The following PTPRT variants were observed in gnomAD, a reference collection of about 807,000 sequenced individuals.
PTPRT encodes the protein receptor-type tyrosine-protein phosphatase T.
Under a neutral mutation model 176.8 loss-of-function variants are expected in PTPRT, and 56 were observed. The observed-to-expected ratio is 0.32, with a 90% CI of 0.26 to 0.40. The LOEUF (loss-of-function observed/expected upper bound fraction) is 0.40. PTPRT is among the 10% of genes least tolerant of loss of function. PTPRT has a pLI of 1.00. For missense variants in PTPRT, 1,540 were observed against 1,908.2 expected (o/e 0.81, Z 3.60); for synonymous variants, 783 against 739.0 (o/e 1.06, Z -0.96).
chr20:42,457,735 G>T (rs752237810), intron 8 of PTPRT, among the ~76,000 whole-genome samples: 1 of 152,186 alleles, frequency 6.6e-6, no homozygotes, highest in Non-Finnish European at 1.5e-5. Context: ...GCAGCAGGAA[G>T]ATTCTCCGTG....
At chr20:42,304,746 A>G (rs146457777) in intron 12 of PTPRT, among the ~76,000 whole-genome samples, 3 of 152,226 alleles carry the variant, frequency 2.0e-5, no homozygotes, top group African/African-American at 7.2e-5. Flanking sequence ...CTCAGATTTC[A>G]TAGGATTGAT....
rs1465354726 is a variant in PTPRT, at chr20:42,316,012, G to A, written c.1866-16C>T. 6.2e-7 allele frequency: 1 copy of A among 1,612,282 alleles called. No individual in the cohort carries two copies. Among genetic ancestry groups the A allele is most frequent in the Non-Finnish European group, 8.5e-7 (1 of 1,178,814 alleles). ...CTGATAAACACTGGACAGGAAAGAGGAGACACAGATGGTTGAGCAACTTTC... is the reference window on the plus strand; with the variant it reads ...CTGATAAACACTGGACAGGAAAGAGAAGACACAGATGGTTGAGCAACTTTC... On this transcript the variant is annotated splice_polypyrimidine_tract_variant and intron_variant, in intron 11 of 30. Transcript: ENST00000373187.
At chr20:42,273,023 C>T (rs2056965799) in intron 13 of PTPRT, among the ~76,000 whole-genome samples, 1 of 152,160 alleles carries the variant, frequency 6.6e-6, no homozygotes, top group Non-Finnish European at 1.5e-5. Context: ...TGATTTATGT[C>T]TCCCTTCTTG....
chr20:42,617,313 T>G (rs1261251683), intron 7 of PTPRT, among the ~76,000 whole-genome samples: 115 of 134,010 alleles, frequency 8.6e-4, no homozygotes, highest in African/African-American at 1.7e-3. Context: ...TGGATAAGCT[T>G]TTTGATGTGC....
chr20:42,426,768 G>T (rs1393214824), intron 9 of PTPRT, among the ~76,000 whole-genome samples: 1 of 152,174 alleles, frequency 6.6e-6, no homozygotes, highest in African/African-American at 2.4e-5. Flanking sequence ...TGGCTGAACG[G>T]ATGAGTCACA....
intron 6 of PTPRT, among the ~76,000 whole-genome samples, chr20:42,752,203 C>T (rs1236777608): frequency 6.6e-6 from 1 of 152,172 alleles, no homozygotes; most frequent in East Asian, 1.9e-4. Flanking sequence ...CTTCATCTCT[C>T]TTACTTCTTT....
intron 1 of PTPRT, among the ~76,000 whole-genome samples, chr20:42,979,100 G>A (rs1436241988): frequency 2.0e-5 from 3 of 151,976 alleles, no homozygotes; most frequent in Non-Finnish European, 2.9e-5. Flanking sequence ...AACGTAAATC[G>A]AGAAAAAATG....
chr20:42,986,720 T>C (rs913199233), intron 1 of PTPRT, among the ~76,000 whole-genome samples: 2 of 152,192 alleles, frequency 1.3e-5, no homozygotes, highest in Non-Finnish European at 2.9e-5. Context: ...TTGAGGCTCA[T>C]GAAACTCCTA....
chr20:42,794,668 T>C (rs1414524613), intron 2 of PTPRT, among the ~76,000 whole-genome samples: 1 of 152,172 alleles, frequency 6.6e-6, no homozygotes, highest in African/African-American at 2.4e-5. Context: ...GGGAATAAAC[T>C]ATTATTCAGC....
At chr20:42,762,204 T>C (rs2076924939) in intron 5 of PTPRT, among the ~76,000 whole-genome samples, 1 of 152,208 alleles carries the variant, frequency 6.6e-6, no homozygotes, top group Admixed American at 6.5e-5. Context: ...ATACCTGGTA[T>C]ACTATTAGGT....
At chr20:42,646,665 T>C (rs544689075) in intron 7 of PTPRT, among the ~76,000 whole-genome samples, 10 of 152,204 alleles carry the variant, frequency 6.6e-5, no homozygotes, top group Middle Eastern at 3.4e-3. Context: ...TCAGCCCAGA[T>C]ACAGAACACT....
chr20:42,596,922 T>A (rs1053881984), intron 7 of PTPRT, among the ~76,000 whole-genome samples: 2 of 152,230 alleles, frequency 1.3e-5, no homozygotes, highest in African/African-American at 4.8e-5. Flanking sequence ...TCCTACATTG[T>A]GTTTGTTTTC....
chr20:42,335,885 C>T (rs529120910), intron 11 of PTPRT, among the ~76,000 whole-genome samples: 71 of 152,108 alleles, frequency 4.7e-4, no homozygotes, highest in Non-Finnish European at 8.4e-4. Flanking sequence ...CATAGTAGTA[C>T]ACTCCAGACT....
At chr20:42,377,647 A>G (rs1369463841) in intron 9 of PTPRT, among the ~76,000 whole-genome samples, 1 of 152,174 alleles carries the variant, frequency 6.6e-6, no homozygotes, top group East Asian at 1.9e-4. Context: ...CACTGACCTC[A>G]ACCTAAAACC....
At chr20:42,987,828 G>T (rs1041975018) in intron 1 of PTPRT, among the ~76,000 whole-genome samples, 1 of 152,078 alleles carries the variant, frequency 6.6e-6, no homozygotes, top group African/African-American at 2.4e-5. Flanking sequence ...CTTATGAAAC[G>T]TGTAACATCT....
chr20:42,890,725 T>C lies in PTPRT; in HGVS notation c.89-4793A>G, dbSNP rs181648386. On this transcript the variant is annotated intron_variant, in intron 1 of 30. Transcript: ENST00000373187. ...CCATAACCAAAACAGGCCCCAGACG[T>C]TGCTGCAGGTGTTTATGGCAGCTTA... Among the ~76,000 whole-genome samples the C allele has an allele frequency of 3.3e-5, 5 of 152,260 alleles. No homozygotes were observed. In the East Asian group the frequency reaches 9.7e-4, roughly 29 times the overall value.
chr20:42,140,120 T>G (rs1988554346), intron 18 of PTPRT, among the ~76,000 whole-genome samples: 2 of 152,370 alleles, frequency 1.3e-5, no homozygotes, highest in Middle Eastern at 6.8e-3. Flanking sequence ...TGTATCTTAC[T>G]CTTTCTTCCT....
chr20:42,536,185 C>T (rs966135563), intron 7 of PTPRT, among the ~76,000 whole-genome samples: 2 of 152,136 alleles, frequency 1.3e-5, no homozygotes, highest in South Asian at 2.1e-4. Context: ...TAAGCAACAG[C>T]TTCCCATGTG....
In PTPRT at chr20:42,695,662, G is replaced by A. The variant is rs566962630; in HGVS notation, c.860-17503C>T. On this transcript the variant is annotated intron_variant, in intron 6 of 30. Coordinates refer to ENST00000373187, the MANE Select transcript of PTPRT (RefSeq NM_007050.6). ...GTATCCAACACAGCACTGTCCTTCA[G>A]AGTCTCTTCATTGAACTTAACAAGG... Among the ~76,000 whole-genome samples the A allele has an allele frequency of 2.6e-5, 4 of 152,294 alleles. No individual in the cohort carries two copies. The South Asian group carries it at 8.3e-4, about 32-fold the overall frequency.
Sources: allele counts gnomAD v4.1 joint callset (sites outside exome capture counted in the v4.1 genomes callset), GRCh38; gene constraint gnomAD v4.1.1; transcripts MANE v1.5; gene names NCBI Gene and HGNC (gene_info 2026-07-23, HGNC 2026-07-21).